ULK2: variants seen among roughly 807,000 people sequenced by gnomAD.
ULK2 encodes the protein serine/threonine-protein kinase ULK2.
In ULK2, 76 loss-of-function variants were observed where a neutral mutation model predicts 127.5. The ratio of observed to expected loss-of-function variants is 0.60; its 90% CI spans 0.50 to 0.72. The LOEUF (loss-of-function observed/expected upper bound fraction) is 0.72. Ranked by LOEUF, ULK2 falls within the 30% of genes least tolerant of loss-of-function variation. ULK2 has a pLI of 0.00. For synonymous variants in ULK2, 452 were observed against 461.9 expected, an observed-to-expected ratio of 0.98 and a Z score of 0.28; for missense variants, 1,144 against 1,295.9, an observed-to-expected ratio of 0.88 and a Z score of 1.80.
chr17:19,847,130 C>T (rs1204919292), intron 5 of ULK2, among the ~76,000 whole-genome samples: 2 of 152,114 alleles, frequency 1.3e-5, no homozygotes, highest in African/African-American at 2.4e-5. Context: ...CTGACTGGCA[C>T]TTTCACCTTT....
Position 19,804,817 on chromosome 17 carries a change from T to C in ULK2, c.1171A>G (p.Thr391Ala). 6.2e-7 allele frequency: 1 copy of C among 1,612,018 alleles called. No individual in the cohort carries two copies. The highest frequency in any genetic ancestry group is 1.1e-5 in the South Asian group (1 of 90,482). The part of the protein sequence containing the change: ...FLVCGGQCQP[T>A]VSPHSETAPI... The stretch of plus-strand genomic sequence containing the variant: ...GCTGTTTCGCTGTGAGGTGACACAG[T>C]AGGCTGACACTGCCTGCAATCGTAA... The change falls in exon 15 of 27, where the codon ACT (threonine) becomes GCT (alanine). Residue 391 changes from threonine to alanine, a missense_variant. Around this residue, in one of 2 missense-constraint regions of ULK2, gnomAD observed 913 missense variants for 970.5 expected, o/e 0.94. Transcript: ENST00000395544.
chr17:19,822,131 G>A lies in ULK2; in HGVS notation c.924+2963C>T, dbSNP rs1402713644. On this transcript the variant is annotated intron_variant, in intron 12 of 26. Coordinates refer to ENST00000395544, the MANE Select transcript of ULK2 (RefSeq NM_014683.4). ...CTCCCAAGTAGCTGGGATTACAGGC[G>A]CACGCCACCACACCTGGCTAATTTT... 3.3e-5 allele frequency among the ~76,000 whole-genome samples: 5 copies of A among 151,500 alleles called. No homozygotes were observed. The East Asian group carries it at 7.8e-4, about 24-fold the overall frequency.
chr17:19,849,107 G>A (rs1039336467), intron 5 of ULK2, among the ~76,000 whole-genome samples: 6 of 152,064 alleles, frequency 3.9e-5, no homozygotes, highest in Non-Finnish European at 7.4e-5. Context: ...CTCTCCTGGG[G>A]ATAGGACCAT....
chr17:19,798,049 T>C (rs1367931849), intron 17 of ULK2, among the ~76,000 whole-genome samples: 1 of 152,226 alleles, frequency 6.6e-6, no homozygotes, highest in Non-Finnish European at 1.5e-5. Context: ...TGTTACTCTA[T>C]ATGAATACAT....
intron 12 of ULK2, among the ~76,000 whole-genome samples, chr17:19,818,280 GC>G (rs2041045783): frequency 1.4e-5 from 2 of 147,344 alleles, no homozygotes; most frequent in South Asian, 4.3e-4. Flanking sequence ...CCAAGACTGC[GC>G]CACTGCACTC....
At chr17:19,789,266 C>T (rs2087102160) in intron 20 of ULK2, among the ~76,000 whole-genome samples, 1 of 150,408 alleles carries the variant, frequency 6.6e-6, no homozygotes, top group Admixed American at 6.7e-5. Context: ...TAGTTGTTCA[C>T]CTTTTGATAA....
chr17:19,822,406 C>A (rs866391716), intron 12 of ULK2, among the ~76,000 whole-genome samples: 12 of 150,664 alleles, frequency 8.0e-5, no homozygotes, highest in African/African-American at 2.4e-4. Context: ...CTGTTACCTA[C>A]GCTGGAGTGC....
At position 19,867,463 on chromosome 17, in the gene ULK2, C is replaced by T. The variant is rs552109482; in HGVS notation, c.-46G>A. The T allele has an allele frequency of 2.9e-4, 451 of 1,533,868 alleles. 2 individuals are homozygous for T. In the East Asian group the frequency reaches 0.011, roughly 36 times the overall value. On this transcript the variant is annotated 5_prime_UTR_variant, in exon 1 of 27. Transcript: ENST00000395544. ...CAGCGGACGGGCGGGCGGCGCAGTG[C>T]GGCGCAGGTATCAGCACCGCGGCTC...
At chr17:19,785,648 G>A (rs915568124) in intron 21 of ULK2, among the ~76,000 whole-genome samples, 5 of 151,538 alleles carry the variant, frequency 3.3e-5, no homozygotes, top group African/African-American at 4.8e-5. Context: ...GCTTCTTCAC[G>A]AAGAAGTCAT....
chr17:19,809,732 C>CGAAAAAAAAAAAAA (rs750626905), intron 14 of ULK2, among the ~76,000 whole-genome samples: 1 of 90,500 alleles, frequency 1.1e-5, no homozygotes. Flanking sequence ...GACTCCGTCT[C>CGAAAAAAAAAAAAA]AAAAAAAAAA....
rs1192848520 is a variant in ULK2, at chr17:19,796,143, C to T, written c.1949G>A (p.Gly650Glu). 1 of 1,614,178 alleles carries T rather than the reference C, an allele frequency of 6.2e-7. No homozygotes were observed. The highest frequency in any genetic ancestry group is 1.1e-5 in the South Asian group (1 of 91,066). Residue 650 changes from glycine to glutamate, a missense_variant, in exon 19 of 27, where the codon GGA becomes GAA. Gly to Glu is a moderately conservative substitution (Grantham distance 98). Coordinates refer to ENST00000395544, the MANE Select transcript of ULK2 (RefSeq NM_014683.4). ...RECAHCLLVQ[G>E]SERQRAEQQS... is the part of the protein sequence containing the mutation. ...CTGCTCGGCCCGCTGCCTCTCACTT[C>T]CTTGCACTAAGAGGCAATGGGCACA...
At position 19,775,707 on chromosome 17, in the gene ULK2, CTTAG is replaced by C. The variant is rs777087871; in HGVS notation, c.*638_*641del. The C allele has an allele frequency of 2.6e-5, 4 of 152,534 alleles. No individual in the cohort carries two copies. Among genetic ancestry groups the C allele is most frequent in the East Asian group, 1.9e-4 (1 of 5,204 alleles). 9.4% of individuals were successfully genotyped at this position (152,534 alleles called of 1,614,324 possible). ...AATATTTTAAACAAGTCCATTGTGC[CTTAG>C]TTAAATTACAAAATCCAATACACAG... On this transcript the variant is annotated 3_prime_UTR_variant, in exon 27 of 27. Coordinates refer to ENST00000395544, the MANE Select transcript of ULK2 (RefSeq NM_014683.4).
At chr17:19,814,453 T>TGTTGTTG (rs1470871851) in intron 13 of ULK2, among the ~76,000 whole-genome samples, 6 of 64,476 alleles carry the variant, frequency 9.3e-5, no homozygotes, top group Non-Finnish European at 1.2e-4. Flanking sequence ...TTTTTTTTTT[T>TGTTGTTG]TTTTTTTTTT....
chr17:19,835,005 G>A (rs114414076), intron 10 of ULK2, among the ~76,000 whole-genome samples: 148 of 151,828 alleles, frequency 9.7e-4, no homozygotes, highest in African/African-American at 3.4e-3. Context: ...ACTGTATAAA[G>A]CAATCGTCCT....
intron 20 of ULK2, among the ~76,000 whole-genome samples, chr17:19,786,930 C>A (rs1339783954): frequency 1.3e-5 from 2 of 151,616 alleles, no homozygotes; most frequent in Non-Finnish European, 2.9e-5. Flanking sequence ...TTTTAAAAAG[C>A]AACTGTATAA....
intron 20 of ULK2, among the ~76,000 whole-genome samples, chr17:19,792,473 C>A (rs1357663370): frequency 1.3e-5 from 2 of 152,214 alleles, no homozygotes; most frequent in Admixed American, 6.5e-5. Context: ...GTCACCAGAT[C>A]AAGTGCCTTG....
chr17:19,809,682 G>A (rs555136944), intron 14 of ULK2, among the ~76,000 whole-genome samples: 5 of 128,448 alleles, frequency 3.9e-5, no homozygotes, highest in African/African-American at 9.0e-5. Flanking sequence ...GCAGTGAGCC[G>A]ACATCACGCC....
Position 19,810,315 on chromosome 17 carries a change from T to C in ULK2, c.1157+63A>G, listed in dbSNP as rs549178919. ...CTTAAATCAAGAACACTAAGTTCTA[T>C]AACCTTACTCACAAAAATAAAATAT... is the stretch of plus-strand genomic sequence containing the variant. On this transcript the variant is annotated intron_variant, in intron 14 of 26. Transcript: ENST00000395544. 25 of 1,049,964 alleles carry C rather than the reference T, an allele frequency of 2.4e-5. No homozygotes were observed. In the African/African-American group the frequency reaches 3.1e-4, roughly 13 times the overall value. 65.0% of individuals were successfully genotyped at this position (1,049,964 alleles called of 1,614,324 possible).
chr17:19,854,273 CAA>C (rs769634028), intron 3 of ULK2, among the ~76,000 whole-genome samples: 17 of 79,512 alleles, frequency 2.1e-4, no homozygotes, highest in Admixed American at 2.9e-4. Context: ...GATTCCATCT[CAA>C]AAAAAAAAAA....
Sources: gnomAD v4.1 joint callset for allele counts (sites outside exome capture counted in the v4.1 genomes callset) on GRCh38, gnomAD v4.1.1 for gene constraint, gnomAD v4.1.1 regional missense constraint, MANE v1.5 for transcripts, NCBI Gene and HGNC (gene_info 2026-07-23, HGNC 2026-07-21) for gene names.